The following CNTNAP2 variants were observed in gnomAD, a reference collection of about 807,000 sequenced individuals.
The protein encoded by CNTNAP2 is contactin-associated protein-like 2.
In CNTNAP2, 98 loss-of-function variants were observed where a neutral mutation model predicts 155.2. The observed-to-expected ratio is 0.63, with a 90% CI of 0.54 to 0.75. CNTNAP2 has a LOEUF of 0.75. Ranked by LOEUF, CNTNAP2 falls within the 30% of genes least tolerant of loss-of-function variation. The pLI is 0.00. For synonymous variants in CNTNAP2, 651 were observed against 631.2 expected, an observed-to-expected ratio of 1.03 and a Z score of -0.47; for missense variants, 1,727 against 1,688.1, an observed-to-expected ratio of 1.02 and a Z score of -0.40.
chr7:147,422,659 T>A (rs1017221047), intron 10 of CNTNAP2, among the ~76,000 whole-genome samples: 1 of 152,054 alleles, frequency 6.6e-6, no homozygotes, highest in Non-Finnish European at 1.5e-5. Context: ...AAGCAGAAAA[T>A]AGTCACAGAT....
chr7:147,243,621 C>G (rs1803991103), intron 8 of CNTNAP2, among the ~76,000 whole-genome samples: 1 of 152,146 alleles, frequency 6.6e-6, no homozygotes. Context: ...TGCTTATGTT[C>G]TGATTTTTCA....
At chr7:147,952,585 T>A (rs1486188276) in intron 14 of CNTNAP2, among the ~76,000 whole-genome samples, 1 of 152,144 alleles carries the variant, frequency 6.6e-6, no homozygotes, top group African/African-American at 2.4e-5. Context: ...GGTACTTAAC[T>A]ATCATAGATT....
chr7:147,515,296 A>C (rs1390192280), intron 11 of CNTNAP2, among the ~76,000 whole-genome samples: 8 of 130,998 alleles, frequency 6.1e-5, no homozygotes, highest in African/African-American at 1.6e-4. Context: ...TATCTGCTTT[A>C]TTTTTCTTCA....
chr7:146,407,514 A>T (rs1370580621), intron 1 of CNTNAP2, among the ~76,000 whole-genome samples: 1 of 152,180 alleles, frequency 6.6e-6, no homozygotes, highest in Non-Finnish European at 1.5e-5. Flanking sequence ...AATCTTGTGC[A>T]ATCATTTTGG....
intron 12 of CNTNAP2, among the ~76,000 whole-genome samples, chr7:147,587,855 G>T (rs1347506699): frequency 1.3e-5 from 2 of 152,094 alleles, no homozygotes; most frequent in Non-Finnish European, 2.9e-5. Context: ...AGCATTGTTA[G>T]GGGAGAAAAT....
chr7:147,748,881 AG>A (rs1797089722), intron 13 of CNTNAP2, among the ~76,000 whole-genome samples: 1 of 152,204 alleles, frequency 6.6e-6, no homozygotes, highest in Non-Finnish European at 1.5e-5. Context: ...TGAAACAAAA[AG>A]GAAGGGGACC....
At chr7:146,895,614 G>A (rs1165687212) in intron 3 of CNTNAP2, among the ~76,000 whole-genome samples, 2 of 151,976 alleles carry the variant, frequency 1.3e-5, no homozygotes, top group Non-Finnish European at 2.9e-5. Flanking sequence ...TATTTATGGG[G>A]TACATCTATG....
chr7:147,379,208 T>A (rs1006318691), intron 9 of CNTNAP2, among the ~76,000 whole-genome samples: 6 of 152,158 alleles, frequency 3.9e-5, no homozygotes, highest in African/African-American at 1.4e-4. Flanking sequence ...ATGTCTGTAT[T>A]AGCAGTATGA....
At chr7:147,007,164 G>T (rs1019145595) in intron 3 of CNTNAP2, among the ~76,000 whole-genome samples, 1 of 152,102 alleles carries the variant, frequency 6.6e-6, no homozygotes, top group Non-Finnish European at 1.5e-5. Flanking sequence ...CCTTTAGGGT[G>T]AGCCAAGTCA....
intron 8 of CNTNAP2, among the ~76,000 whole-genome samples, chr7:147,256,857 G>A (rs1804340156): frequency 6.6e-6 from 1 of 151,714 alleles, no homozygotes. Flanking sequence ...AATAAGTTGA[G>A]TCACAGGACT....
chr7:146,146,882 C>A (rs543789324), intron 1 of CNTNAP2, among the ~76,000 whole-genome samples: 20 of 152,168 alleles, frequency 1.3e-4, no homozygotes, highest in Admixed American at 6.6e-4. Flanking sequence ...GTCTATATTT[C>A]TTTTTATAGG....
chr7:148,345,865 G>C (rs760738173), intron 21 of CNTNAP2, among the ~76,000 whole-genome samples: 1 of 151,964 alleles, frequency 6.6e-6, no homozygotes, highest in Non-Finnish European at 1.5e-5. Flanking sequence ...TTCTTGGTGT[G>C]ACATTTGATG....
chr7:146,863,356 CA>C (rs1562977817), intron 3 of CNTNAP2, among the ~76,000 whole-genome samples: 1 of 151,904 alleles, frequency 6.6e-6, no homozygotes, highest in African/African-American at 2.4e-5. Flanking sequence ...ATCATGCTAC[CA>C]AGAACTTTAT....
At chr7:147,773,713 T>A (rs1267238776) in intron 13 of CNTNAP2, among the ~76,000 whole-genome samples, 2 of 152,158 alleles carry the variant, frequency 1.3e-5, no homozygotes, top group African/African-American at 4.8e-5. Flanking sequence ...CCTTCTTCTT[T>A]GTACTCTCCA....
At chr7:148,349,385 A>G (rs1418672847) in intron 21 of CNTNAP2, among the ~76,000 whole-genome samples, 1 of 143,448 alleles carries the variant, frequency 7.0e-6, no homozygotes, top group East Asian at 2.1e-4. Context: ...AATGAGCTTT[A>G]AAAATTGCAA....
chr7:146,637,385 G>A (rs1799616985), intron 1 of CNTNAP2, among the ~76,000 whole-genome samples: 1 of 152,110 alleles, frequency 6.6e-6, no homozygotes, highest in African/African-American at 2.4e-5. Flanking sequence ...AACATAACAT[G>A]CATAGCCAAG....
At chr7:148,177,528 T>C (rs957256117) in intron 18 of CNTNAP2, among the ~76,000 whole-genome samples, 46 of 152,238 alleles carry the variant, frequency 3.0e-4, no homozygotes, top group African/African-American at 1.0e-3. Context: ...AAGAAAAACC[T>C]ACCATCTTCT....
intron 1 of CNTNAP2, among the ~76,000 whole-genome samples, chr7:146,621,860 CT>C (rs1421878147): frequency 2.0e-5 from 3 of 152,090 alleles, no homozygotes; most frequent in Non-Finnish European, 4.4e-5. Context: ...ATAAATTATT[CT>C]ACATGGGCCA....
At chr7:147,016,499 C>T (rs1190981857) in intron 3 of CNTNAP2, among the ~76,000 whole-genome samples, 1 of 151,958 alleles carries the variant, frequency 6.6e-6, no homozygotes, top group African/African-American at 2.4e-5. Context: ...GAAATCCATA[C>T]AAACTACTTT....
Sources: allele counts gnomAD v4.1 joint callset (sites outside exome capture counted in the v4.1 genomes callset), GRCh38; gene constraint gnomAD v4.1.1; transcripts MANE v1.5; gene names NCBI Gene and HGNC (gene_info 2026-07-23, HGNC 2026-07-21).